The following ANO6 variants were observed in gnomAD, a reference collection of about 807,000 sequenced individuals.
ANO6 encodes anoctamin 6.
A neutral mutation model predicts 117.5 loss-of-function variants in ANO6; 106 were observed. The observed-to-expected ratio is 0.90, with a 90% CI of 0.77 to 1.06. The LOEUF (loss-of-function observed/expected upper bound fraction) is 1.06. ANO6 is among the 50% of genes least tolerant of loss of function. The pLI is 0.00. For synonymous variants in ANO6, 367 were observed against 385.1 expected, an observed-to-expected ratio of 0.95 and a Z score of 0.55; for missense variants, 955 against 1,121.1, an observed-to-expected ratio of 0.85 and a Z score of 2.12.
At chr12:45,222,173 G>T (rs970763602) in intron 1 of ANO6, among the ~76,000 whole-genome samples, 2 of 145,450 alleles carry the variant, frequency 1.4e-5, no homozygotes, top group Admixed American at 6.9e-5. Flanking sequence ...GAGCCACCAC[G>T]CCCGGCCCCC....
chr12:45,371,343 C>A (rs1941828994), intron 9 of ANO6, among the ~76,000 whole-genome samples: 1 of 152,220 alleles, frequency 6.6e-6, no homozygotes, highest in African/African-American at 2.4e-5. Context: ...GAAGCTCGAA[C>A]TTGGTGGACC....
chr12:45,403,982 T>C (rs1942867850), intron 15 of ANO6, among the ~76,000 whole-genome samples: 1 of 151,918 alleles, frequency 6.6e-6, no homozygotes, highest in African/African-American at 2.4e-5. Context: ...ATATACATCA[T>C]TTAATCTACC....
rs773902481 is a variant in ANO6 at position 45,421,138 on chromosome 12, C to T, written c.2285C>T (p.Pro762Leu). ...RLVYYWSFSV[P>L]PYGDHTSYTM... is the part of the protein sequence containing the mutation. The stretch of plus-strand genomic sequence containing the variant: ...GTGTACTACTGGTCCTTCTCCGTCC[C>T]TCCCTACGGGGACCACACTTCCTAC... The change falls in exon 18 of 20, where the codon CCT (proline) becomes CTT (leucine). Residue 762 changes from proline to leucine, a missense_variant. By Grantham distance (98) the Pro-to-Leu change is moderately conservative. Transcript: ENST00000320560. 6.2e-7 allele frequency: 1 copy of T among 1,614,052 alleles called. No individual in the cohort carries two copies. The highest frequency in any genetic ancestry group is 1.7e-4 in the Middle Eastern group (1 of 6,060).
chr12:45,284,632 A>G (rs1938848321), intron 1 of ANO6, among the ~76,000 whole-genome samples: 1 of 152,230 alleles, frequency 6.6e-6, no homozygotes, highest in Non-Finnish European at 1.5e-5. Flanking sequence ...ATTTGCAGGC[A>G]TCTGTTCTCC....
intron 3 of ANO6, among the ~76,000 whole-genome samples, chr12:45,336,228 CTATT>C (rs1565700018): frequency 6.6e-6 from 1 of 151,902 alleles, no homozygotes; most frequent in East Asian, 1.9e-4. Context: ...TTTCTTATAT[CTATT>C]GAGGTGATCA....
At position 45,270,761 on chromosome 12, in the gene ANO6, A is replaced by ATT. The variant is rs35709283; in HGVS notation, c.71-31244_71-31243dup. ...AAAAGAACTTCAGAAAGCAAAAGTT[A>ATT]TTTTTTTTTTGAGACAGTCTCACTC... On this transcript the variant is annotated intron_variant, in intron 1 of 19. Transcript: ENST00000320560. Among the ~76,000 whole-genome samples, 23 of 150,510 alleles carry ATT rather than the reference A, an allele frequency of 1.5e-4. No individual in the cohort carries two copies. In the East Asian group the frequency reaches 3.3e-3, roughly 22 times the overall value.
At chr12:45,380,068 A>G (rs1942130057) in intron 10 of ANO6, among the ~76,000 whole-genome samples, 1 of 152,200 alleles carries the variant, frequency 6.6e-6, no homozygotes, top group Non-Finnish European at 1.5e-5. Context: ...GCCCAGACGC[A>G]TATGGCACTT....
intron 15 of ANO6, among the ~76,000 whole-genome samples, chr12:45,403,776 G>A (rs759077010): frequency 2.6e-5 from 4 of 152,128 alleles, no homozygotes; most frequent in African/African-American, 7.2e-5. Context: ...ATCCCCATCT[G>A]CTAGAGTTTA....
chr12:45,365,153 A>G (rs1269328524), intron 8 of ANO6, among the ~76,000 whole-genome samples: 1 of 152,150 alleles, frequency 6.6e-6, no homozygotes, highest in Non-Finnish European at 1.5e-5. Flanking sequence ...GTGAGTGTGT[A>G]TTGAGGAAAT....
At chr12:45,416,495 G>A (rs986423194) in intron 16 of ANO6, among the ~76,000 whole-genome samples, 1 of 152,136 alleles carries the variant, frequency 6.6e-6, no homozygotes, top group Non-Finnish European at 1.5e-5. Context: ...GAAAGAAACA[G>A]GCTATAATTA....
chr12:45,386,097 C>T (rs941162560), intron 10 of ANO6, among the ~76,000 whole-genome samples: 1 of 152,196 alleles, frequency 6.6e-6, no homozygotes, highest in African/African-American at 2.4e-5. Flanking sequence ...CAACTATGCT[C>T]AGGCCCCATT....
chr12:45,413,735 A>T (rs1943145631), intron 16 of ANO6, among the ~76,000 whole-genome samples: 1 of 152,220 alleles, frequency 6.6e-6, no homozygotes, highest in Non-Finnish European at 1.5e-5. Context: ...GAATTTGGAC[A>T]TGATGGAAAA....
At chr12:45,302,611 C>G (rs1939532610) in intron 2 of ANO6, among the ~76,000 whole-genome samples, 1 of 152,048 alleles carries the variant, frequency 6.6e-6, no homozygotes, top group Non-Finnish European at 1.5e-5. Context: ...TTAAATTGGA[C>G]TCATTAAAGA....
In ANO6 at chr12:45,237,688, G is replaced by T. The variant is rs1947667785; in HGVS notation, c.70+21297G>T. On this transcript the variant is annotated intron_variant, in intron 1 of 19. Transcript: ENST00000320560. ...CTCCAGCTTTGTTCTTTTGGCTTAGGATTGTCTTGGCAATGTGGGCCTTTT... is the reference window on the plus strand; with the variant it reads ...CTCCAGCTTTGTTCTTTTGGCTTAGTATTGTCTTGGCAATGTGGGCCTTTT... Among the ~76,000 whole-genome samples the T allele has an allele frequency of 2.6e-5, 4 of 152,296 alleles. No homozygotes were observed. The South Asian group carries it at 6.2e-4, about 24-fold the overall frequency.
At chr12:45,435,423 G>C (rs983969078), downstream of ANO6, among the ~76,000 whole-genome samples, 1 of 152,146 alleles carries the variant, frequency 6.6e-6, no homozygotes, top group Non-Finnish European at 1.5e-5. Flanking sequence ...ACATATCTTT[G>C]TATCAGTCCT....
chr12:45,348,669 G>A (rs941012105), intron 6 of ANO6, 38 bp downstream of exon 6: 6 of 1,456,072 alleles, frequency 4.1e-6, no homozygotes, highest in Non-Finnish European at 5.8e-6. Context: ...AAGGCCTTCT[G>A]TATACTCTGG....
chr12:45,413,171 A>G (rs1943129386), intron 16 of ANO6, among the ~76,000 whole-genome samples: 1 of 152,212 alleles, frequency 6.6e-6, no homozygotes, highest in Admixed American at 6.5e-5. Flanking sequence ...ACGCAGCAGA[A>G]TGGAAGATAA....
At chr12:45,291,721 C>T (rs917563361) in intron 1 of ANO6, among the ~76,000 whole-genome samples, 2 of 151,816 alleles carry the variant, frequency 1.3e-5, no homozygotes, top group Admixed American at 6.6e-5. Context: ...ACATCATTCA[C>T]CATTAGGGAA....
intron 7 of ANO6, among the ~76,000 whole-genome samples, chr12:45,353,510 A>C (rs966002403): frequency 5.3e-5 from 8 of 151,998 alleles, no homozygotes; most frequent in Non-Finnish European, 8.8e-5. Flanking sequence ...AACTATTTTA[A>C]ATATATTTTG....
Sources: gnomAD v4.1 joint callset for allele counts (sites outside exome capture counted in the v4.1 genomes callset) on GRCh38, gnomAD v4.1.1 for gene constraint, MANE v1.5 for transcripts, NCBI Gene and HGNC (gene_info 2026-07-23, HGNC 2026-07-21) for gene names.